Variants in SGCD observed in about 807,000 individuals in gnomAD.
SGCD encodes the protein delta-sarcoglycan.
A neutral mutation model predicts 36.6 loss-of-function variants in SGCD; 18 were observed. The observed-to-expected ratio is 0.49, with a 90% CI of 0.34 to 0.73. SGCD has a LOEUF of 0.73. Ranked by LOEUF, SGCD falls within the 30% of genes least tolerant of loss-of-function variation. SGCD has a pLI of 0.01. For synonymous variants in SGCD, 133 were observed against 130.6 expected (o/e 1.02, Z -0.12); for missense variants, 387 against 346.7 (o/e 1.12, Z -0.92).
chr5:156,470,848 A>G (rs761076874), intron 3 of SGCD, among the ~76,000 whole-genome samples: 4 of 152,204 alleles, frequency 2.6e-5, no homozygotes, highest in Non-Finnish European at 4.4e-5. Context: ...CCTTAAATAA[A>G]TATTTGGAAA....
intron 3 of SGCD, among the ~76,000 whole-genome samples, chr5:156,253,904 T>A (rs1316313139): frequency 6.6e-6 from 1 of 152,212 alleles, no homozygotes; most frequent in African/African-American, 2.4e-5. Flanking sequence ...TCTTGGAATG[T>A]TAAGTTGATT....
chr5:156,056,980 G>C (rs1196464821), intron 1 of SGCD, among the ~76,000 whole-genome samples: 2 of 146,160 alleles, frequency 1.4e-5, no homozygotes, highest in Non-Finnish European at 3.1e-5. Context: ...CCCTAAGTAC[G>C]TTTGAAATAC....
intron 3 of SGCD, among the ~76,000 whole-genome samples, chr5:156,321,510 C>T (rs1200796927): frequency 1.3e-5 from 2 of 152,136 alleles, no homozygotes; most frequent in Non-Finnish European, 2.9e-5. Flanking sequence ...GGTATTTTGT[C>T]ATCCATAATC....
chr5:156,114,472 T>C (rs1761863586), intron 1 of SGCD, among the ~76,000 whole-genome samples: 1 of 152,034 alleles, frequency 6.6e-6, no homozygotes, highest in Admixed American at 6.6e-5. Context: ...CATAAAAGCA[T>C]TTTATAAAAT....
chr5:156,411,324 TA>T (rs1215196451), intron 3 of SGCD, among the ~76,000 whole-genome samples: 2 of 152,162 alleles, frequency 1.3e-5, no homozygotes, highest in Non-Finnish European at 1.5e-5. Context: ...ACCCTCCTTG[TA>T]AACTGTAGCA....
chr5:156,307,041 C>CTTTTTTT (rs71577193), intron 3 of SGCD, among the ~76,000 whole-genome samples: 10 of 124,528 alleles, frequency 8.0e-5, no homozygotes, highest in Non-Finnish European at 1.3e-4. Flanking sequence ...TATAAGTTTT[C>CTTTTTTT]TTTTTTTTTT....
intron 1 of SGCD, among the ~76,000 whole-genome samples, chr5:156,081,445 T>C (rs1348848479): frequency 6.6e-6 from 1 of 152,134 alleles, no homozygotes; most frequent in Non-Finnish European, 1.5e-5. Flanking sequence ...CTAGGCTGAG[T>C]GCAGTGGCAC....
intron 2 of SGCD, among the ~76,000 whole-genome samples, chr5:156,337,867 A>C (rs1476405297): frequency 6.6e-6 from 1 of 151,998 alleles, no homozygotes; most frequent in Admixed American, 6.6e-5. Flanking sequence ...TGGGATTGGA[A>C]TTTTTTTTGT....
chr5:156,110,447 C>G (rs1359599743), intron 1 of SGCD, among the ~76,000 whole-genome samples: 1 of 151,914 alleles, frequency 6.6e-6, no homozygotes, highest in Non-Finnish European at 1.5e-5. Flanking sequence ...AATATTCTTC[C>G]AAAATTAGAA....
chr5:156,739,244 C>T lies in SGCD; in HGVS notation c.576-18337C>T, dbSNP rs543059109. 2.0e-5 allele frequency among the ~76,000 whole-genome samples: 3 copies of T among 152,246 alleles called. No individual in the cohort carries two copies. The South Asian group carries it at 6.2e-4, about 32-fold the overall frequency. On this transcript the variant is annotated intron_variant, in intron 7 of 8. Coordinates refer to ENST00000337851, the MANE Select transcript of SGCD (RefSeq NM_000337.6). The stretch of plus-strand genomic sequence containing the variant: ...AAGAAGGGAAAGAAAGGAAAGTGTG[C>T]TCATTTGGCCCTAGACCTTGCTCAG...
the SGCD span, among the ~76,000 whole-genome samples, chr5:155,793,418 TAAAA>T: frequency 2.6e-5 from 4 of 151,568 alleles, no homozygotes; most frequent in African/African-American, 9.7e-5. Context: ...CAATCCAAAA[TAAAA>T]AAAAGTTTTT....
upstream of SGCD, among the ~76,000 whole-genome samples, chr5:155,866,135 A>G (rs937385172): frequency 6.6e-6 from 1 of 152,182 alleles, no homozygotes; most frequent in Non-Finnish European, 1.5e-5. Context: ...AGAGTATTAA[A>G]AAGATTAGCA....
At chr5:156,223,267 T>C (rs554136253) in intron 3 of SGCD, among the ~76,000 whole-genome samples, 2 of 152,184 alleles carry the variant, frequency 1.3e-5, no homozygotes, top group Admixed American at 6.5e-5. Flanking sequence ...GCCTGTTGGA[T>C]AGACTGACTC....
At chr5:156,207,102 G>T (rs1488238607) in intron 3 of SGCD, among the ~76,000 whole-genome samples, 5 of 152,084 alleles carry the variant, frequency 3.3e-5, no homozygotes, top group Admixed American at 1.3e-4. Flanking sequence ...AGAAACACCT[G>T]CCTGTAGTGG....
chr5:156,374,687 A>T lies in SGCD; in HGVS notation c.192+30010A>T, dbSNP rs531501811. ...CTTTTTTTTTTTTTTTTTGAGACGGAGTCTTGCTCTGTTGCCCAGGCTGGA... is the reference window on the plus strand; with the variant it reads ...CTTTTTTTTTTTTTTTTTGAGACGGTGTCTTGCTCTGTTGCCCAGGCTGGA... On this transcript the variant is annotated intron_variant, in intron 3 of 8. Coordinates refer to ENST00000337851, the MANE Select transcript of SGCD (RefSeq NM_000337.6). Among the ~76,000 whole-genome samples the T allele has an allele frequency of 1.7e-4, 21 of 121,690 alleles. No individual in the cohort carries two copies. The South Asian group carries it at 4.5e-3, about 26-fold the overall frequency. The allele number at this position is 121,690 out of a possible 152,430, so 79.8% of individuals were successfully genotyped here. A position where few individuals can be genotyped will look rare whatever the true frequency, so the allele number is the denominator to read the frequency against.
At chr5:156,646,167 G>T (rs1392730512) in intron 6 of SGCD, among the ~76,000 whole-genome samples, 1 of 152,142 alleles carries the variant, frequency 6.6e-6, no homozygotes, top group Non-Finnish European at 1.5e-5. Context: ...ATAATCAAAG[G>T]GTATTTGGTT....
At chr5:155,784,450 T>C in the SGCD span, among the ~76,000 whole-genome samples, 1 of 152,158 alleles carries the variant, frequency 6.6e-6, no homozygotes, top group African/African-American at 2.4e-5. Flanking sequence ...TGGATTTGAC[T>C]GAGGAGTCCC....
chr5:156,349,281 C>T (rs139077803), intron 3 of SGCD, among the ~76,000 whole-genome samples: 94 of 151,728 alleles, frequency 6.2e-4, no homozygotes, highest in African/African-American at 2.0e-3. Flanking sequence ...AAAAAGCTTC[C>T]GCACAGTAAA....
chr5:155,729,473 AG>A, the SGCD span, among the ~76,000 whole-genome samples: 1 of 152,270 alleles, frequency 6.6e-6, no homozygotes, highest in Non-Finnish European at 1.5e-5. Context: ...TGGGGGCACC[AG>A]GAAAGGTAGC....
Sources: allele counts gnomAD v4.1 joint callset (sites outside exome capture counted in the v4.1 genomes callset), GRCh38; gene constraint gnomAD v4.1.1; transcripts MANE v1.5; gene names NCBI Gene and HGNC (gene_info 2026-07-23, HGNC 2026-07-21).